WDR93: variants seen among roughly 807,000 people sequenced by gnomAD.
WDR93 encodes the protein WD repeat-containing protein 93.
A neutral mutation model predicts 82.9 loss-of-function variants in WDR93; 73 were observed. The ratio of observed to expected loss-of-function variants is 0.88; its 90% CI spans 0.73 to 1.07. The LOEUF (loss-of-function observed/expected upper bound fraction) is 1.07, where lower values mean the gene tolerates loss of function less well. Ranked by LOEUF, WDR93 falls within the 50% of genes least tolerant of loss-of-function variation. WDR93 has a pLI of 0.00. For synonymous variants in WDR93, 283 were observed against 300.1 expected, an observed-to-expected ratio of 0.94 and a Z score of 0.59; for missense variants, 738 against 826.0, an observed-to-expected ratio of 0.89 and a Z score of 1.31.
chr15:89,742,878 A>G (rs181103046), intron 16 of WDR93, among the ~76,000 whole-genome samples: 1 of 152,300 alleles, frequency 6.6e-6, no homozygotes, highest in Non-Finnish European at 1.5e-5. Context: ...TGTCTTTATA[A>G]AAGTTGGAAT....
intron 8 of WDR93, among the ~76,000 whole-genome samples, chr15:89,724,843 C>T (rs1966669531): frequency 6.6e-6 from 1 of 152,122 alleles, no homozygotes; most frequent in African/African-American, 2.4e-5. Flanking sequence ...ACAATCAGTA[C>T]TCCCATACAT....
chr15:89,719,123 T>C (rs180956700), intron 7 of WDR93, among the ~76,000 whole-genome samples: 4 of 152,310 alleles, frequency 2.6e-5, no homozygotes, highest in Non-Finnish European at 4.4e-5. Flanking sequence ...GGGCTCACTC[T>C]GTCACTCAGG....
chr15:89,737,824 T>C, intron 15 of WDR93, 95 bp downstream of exon 15: 2 of 1,539,222 alleles, frequency 1.3e-6, no homozygotes, highest in Middle Eastern at 1.8e-4. Flanking sequence ...CTCCCCACTC[T>C]GTGTCCCCCT....
intron 5 of WDR93, among the ~76,000 whole-genome samples, chr15:89,713,614 A>G (rs907693707): frequency 2.0e-5 from 3 of 151,956 alleles, no homozygotes; most frequent in Non-Finnish European, 4.4e-5. Flanking sequence ...CTGGGATTAC[A>G]GGTACCTACA....
At chr15:89,716,301 CTT>C (rs1393388709) in intron 6 of WDR93, among the ~76,000 whole-genome samples, 2 of 152,204 alleles carry the variant, frequency 1.3e-5, no homozygotes, top group African/African-American at 4.8e-5. Flanking sequence ...TGAAAATCCT[CTT>C]GTCTTCAATG....
intron 16 of WDR93, 76 bp downstream of exon 16, chr15:89,738,312 A>C: frequency 1.4e-6 from 2 of 1,461,620 alleles, no homozygotes; most frequent in South Asian, 1.4e-5. Flanking sequence ...AGTTTCTTTC[A>C]TGGTAAATCC....
At chr15:89,740,473 T>C (rs1967574137) in intron 16 of WDR93, among the ~76,000 whole-genome samples, 1 of 152,120 alleles carries the variant, frequency 6.6e-6, no homozygotes, top group Non-Finnish European at 1.5e-5. Context: ...TGTTCAACTA[T>C]TCTTCACAGG....
chr15:89,698,067 G>C (rs1194447709), intron 1 of WDR93, among the ~76,000 whole-genome samples: 2 of 151,140 alleles, frequency 1.3e-5, no homozygotes, highest in African/African-American at 2.4e-5. Context: ...TGTAATTTTA[G>C]TAGGGACAGG....
At chr15:89,730,643 C>T (rs1966851545) in intron 11 of WDR93, among the ~76,000 whole-genome samples, 1 of 152,128 alleles carries the variant, frequency 6.6e-6, no homozygotes, top group Non-Finnish European at 1.5e-5. Flanking sequence ...TGCCTGTAAT[C>T]CCAGTACTTT....
rs761870070 is a variant in WDR93, at chr15:89,743,329, G to C, written c.1999G>C (p.Glu667Gln). 8 of 1,614,084 alleles carry C rather than the reference G, an allele frequency of 5.0e-6. No individual in the cohort carries two copies. In the African/African-American group the frequency reaches 5.3e-5, roughly 11 times the overall value. ...KLEKNPEKEEEHWARLQRYSL... is the reference protein window; with the variant it reads ...KLEKNPEKEEQHWARLQRYSL... The stretch of plus-strand genomic sequence containing the variant: ...GGAGAAGAACCCAGAGAAGGAGGAG[G>C]AGCACTGGGCCCGGCTTCAGAGGTA... The change falls in exon 17 of 17, where the codon GAG becomes CAG. Residue 667 changes from glutamate (E) to glutamine (Q), a missense_variant. Physicochemically the swap from Glu to Gln is conservative, Grantham distance 29 (BLOSUM62 2). Transcript: ENST00000268130.
intron 7 of WDR93, among the ~76,000 whole-genome samples, chr15:89,719,051 A>G (rs1304598544): frequency 1.3e-5 from 2 of 151,994 alleles, no homozygotes; most frequent in Non-Finnish European, 2.9e-5. Context: ...ATAAACTTGC[A>G]TTTTTTTACT....
chr15:89,738,041 G>C lies in WDR93; in HGVS notation c.1766G>C (p.Gly589Ala). Reference sequence around the variant, plus strand: ...ACATGGTGTTCTTGTCTCGTCACAGGAGACTATTCACATGAAACTGCGTCC... The same window carrying C: ...ACATGGTGTTCTTGTCTCGTCACAGCAGACTATTCACATGAAACTGCGTCC... The part of the protein sequence containing the change: ...SPDHPCFLLR[G>A]DYSHETASTD... Residue 589 changes from glycine to alanine, a missense_variant and splice_region_variant, in exon 16 of 17, where the codon GGA becomes GCA. Transcript: ENST00000268130. 1 of 1,606,916 alleles carries C rather than the reference G, an allele frequency of 6.2e-7. No individual in the cohort carries two copies. Among genetic ancestry groups the C allele is most frequent in the Non-Finnish European group, 8.5e-7 (1 of 1,176,454 alleles).
chr15:89,696,288 C>T (rs1965171222), intron 1 of WDR93, among the ~76,000 whole-genome samples: 1 of 152,118 alleles, frequency 6.6e-6, no homozygotes, highest in Admixed American at 6.6e-5. Context: ...GAGATTCATC[C>T]ATGTTGTTGT....
chr15:89,696,197 A>G (rs1455233510), intron 1 of WDR93, among the ~76,000 whole-genome samples: 1 of 152,168 alleles, frequency 6.6e-6, no homozygotes, highest in Non-Finnish European at 1.5e-5. Context: ...CTCAGTTTGC[A>G]TTTTTGAGAA....
chr15:89,712,396 C>CTTTTTTTTTTTTTTTTTTT (rs1170109589), intron 5 of WDR93, among the ~76,000 whole-genome samples: 3 of 80,534 alleles, frequency 3.7e-5, no homozygotes, highest in African/African-American at 1.1e-4. Context: ...TTCCACTAAT[C>CTTTTTTTTTTTTTTTTTTT]TTTTTTTTTT....
At chr15:89,701,617 C>A (rs1830417646) in intron 1 of WDR93, 90 bp from the exon 2 acceptor site, 8 of 1,108,272 alleles carry the variant, frequency 7.2e-6, no homozygotes, top group Non-Finnish European at 1.0e-5. Flanking sequence ...ATAAGCAGTC[C>A]CTATAGGCTA....
At chr15:89,708,944 G>A (rs1206595209) in intron 4 of WDR93, among the ~76,000 whole-genome samples, 1 of 152,258 alleles carries the variant, frequency 6.6e-6, no homozygotes, top group Non-Finnish European at 1.5e-5. Context: ...TGGGCTTCTA[G>A]CCTGTGGCGA....
At chr15:89,732,939 G>A in intron 12 of WDR93, 67 bp from the exon 13 acceptor site, 1 of 1,454,168 alleles carries the variant, frequency 6.9e-7, no homozygotes, top group Non-Finnish European at 9.6e-7. Context: ...GCTGGTCACA[G>A]CCCCTGTGCC....
intron 7 of WDR93, among the ~76,000 whole-genome samples, chr15:89,720,140 C>T (rs79436392): frequency 0.014 from 2,080 of 152,102 alleles, 28 homozygotes; most frequent in Non-Finnish European, 0.021. Flanking sequence ...TCATTGAGAT[C>T]GTCTTTTCTG....
Sources: gnomAD v4.1 joint callset for allele counts (sites outside exome capture counted in the v4.1 genomes callset) on GRCh38, gnomAD v4.1.1 for gene constraint, MANE v1.5 for transcripts, NCBI Gene and HGNC (gene_info 2026-07-23, HGNC 2026-07-21) for gene names.